The following RPIA variants were observed in gnomAD, a reference collection of about 807,000 sequenced individuals.
The protein encoded by RPIA is ribose-5-phosphate isomerase.
In RPIA, 29 loss-of-function variants were observed where a neutral mutation model predicts 37.8. The observed-to-expected ratio is 0.77, with a 90% CI of 0.57 to 1.05. The LOEUF (loss-of-function observed/expected upper bound fraction) is 1.05. RPIA is among the 50% of genes least tolerant of loss of function. RPIA has a pLI of 0.00. For synonymous variants in RPIA, 167 were observed against 157.0 expected (o/e 1.06, Z -0.48); for missense variants, 385 against 413.6 (o/e 0.93, Z 0.60).
In RPIA at chr2:88,737,671, G is replaced by C. The variant is rs577141445; in HGVS notation, c.739-306G>C. ...GAACAATGAACCAGAAATCAGATAG[G>C]AATGTGGTGATAATTGTGACATGGT... is the stretch of plus-strand genomic sequence containing the variant. On this transcript the variant is annotated intron_variant, in intron 7 of 8. Transcript: ENST00000283646. Among the ~76,000 whole-genome samples, 8 of 152,210 alleles carry C rather than the reference G, an allele frequency of 5.3e-5. No individual in the cohort carries two copies. In the East Asian group the frequency reaches 1.4e-3, roughly 26 times the overall value.
In RPIA at chr2:88,735,737, G is replaced by A; in HGVS notation, c.596G>A (p.Arg199Lys). Residue 199 changes from arginine to lysine, a missense_variant and splice_region_variant, in exon 6 of 9, where the codon AGG becomes AAG. Physicochemically the swap from Arg to Lys is conservative, Grantham distance 26 (BLOSUM62 2). Coordinates refer to ENST00000283646, the MANE Select transcript of RPIA (RefSeq NM_144563.3). ...ASRFIVIADF[R>K]KDSKNLGDQW... ...CGCTTCATCGTGATCGCTGATTTCA[G>A]GTACAGTTTCTGGTGTCTGAGCTGC... 1 of 1,613,894 alleles carries A rather than the reference G, an allele frequency of 6.2e-7. No individual in the cohort carries two copies. Among genetic ancestry groups the A allele is most frequent in the South Asian group, 1.1e-5 (1 of 91,068 alleles).
intron 6 of RPIA, among the ~76,000 whole-genome samples, chr2:88,735,944 C>T (rs923437728): frequency 5.9e-5 from 9 of 152,224 alleles, no homozygotes; most frequent in Admixed American, 3.9e-4. Context: ...GCACTGTTAT[C>T]CGCAGCCAGG....
chr2:88,725,739 G>A (rs1448651273), intron 3 of RPIA, among the ~76,000 whole-genome samples: 1 of 152,000 alleles, frequency 6.6e-6, no homozygotes, highest in African/African-American at 2.4e-5. Flanking sequence ...TCTTTTTTGT[G>A]GGGAACACAA....
At chr2:88,704,848 G>A (rs531129339) in intron 3 of RPIA, among the ~76,000 whole-genome samples, 3 of 152,292 alleles carry the variant, frequency 2.0e-5, no homozygotes, top group African/African-American at 7.2e-5. Flanking sequence ...AGCTCCTTAA[G>A]CTGATAAGCA....
rs1418570788 is a variant in RPIA, at chr2:88,691,861, G to A, written c.163G>A (p.Ala55Thr). The change falls in exon 1 of 9, where the codon GCT becomes ACT. Residue 55 changes from alanine to threonine, a missense_variant. This residue lies in a region of RPIA where 232 missense variants were observed against 203.0 expected (regional missense o/e 1.14). Coordinates refer to ENST00000283646, the MANE Select transcript of RPIA (RefSeq NM_144563.3). ...GRAQSGTRGGAGNTSTSCGDS... is the reference protein window; with the variant it reads ...GRAQSGTRGGTGNTSTSCGDS... ...TGCACAGTCTGGGACCCGTGGCGGT[G>A]CTGGCAACACAAGCACCAGCTGCGG... The A allele has an allele frequency of 4.4e-6, 7 of 1,595,050 alleles. No homozygotes were observed. Among genetic ancestry groups the A allele is most frequent in the Non-Finnish European group, 6.0e-6 (7 of 1,172,256 alleles).
At chr2:88,729,478 G>C (rs1673239712) in intron 4 of RPIA, 141 bp downstream of exon 4, 1 of 869,342 alleles carries the variant, frequency 1.2e-6, no homozygotes, top group Non-Finnish European at 1.9e-6. Flanking sequence ...CTGGGACCTT[G>C]AGTATTAATT....
chr2:88,737,816 T>A (rs1248672422), intron 7 of RPIA, among the ~76,000 whole-genome samples, 161 bp from the exon 8 acceptor site: 1 of 152,192 alleles, frequency 6.6e-6, no homozygotes, highest in Admixed American at 6.5e-5. Flanking sequence ...TCTTTCTGAT[T>A]TCAAAGCTCC....
intron 1 of RPIA, among the ~76,000 whole-genome samples, chr2:88,698,170 G>T (rs1672781405): frequency 6.6e-6 from 1 of 151,526 alleles, no homozygotes; most frequent in Non-Finnish European, 1.5e-5. Flanking sequence ...TTCTGTGAGG[G>T]TGACGCAAGT....
intron 1 of RPIA, among the ~76,000 whole-genome samples, chr2:88,697,589 T>A (rs1481016708): frequency 6.6e-6 from 1 of 152,210 alleles, no homozygotes; most frequent in Non-Finnish European, 1.5e-5. Context: ...TTTGGTCTGC[T>A]TGTAGGTACC....
chr2:88,735,837 C>G, intron 6 of RPIA, 100 bp downstream of exon 6: 1 of 1,154,140 alleles, frequency 8.7e-7, no homozygotes, highest in East Asian at 2.3e-5. Context: ...GCTGCAGGGA[C>G]TGTCTGACTT....
chr2:88,716,053 AC>A (rs952025384), intron 3 of RPIA, among the ~76,000 whole-genome samples: 5 of 152,168 alleles, frequency 3.3e-5, no homozygotes, highest in Non-Finnish European at 7.3e-5. Context: ...TGGACAAAAG[AC>A]AGAACTCAAA....
chr2:88,726,721 T>G (rs1316793031), intron 3 of RPIA, among the ~76,000 whole-genome samples: 1 of 152,178 alleles, frequency 6.6e-6, no homozygotes, highest in Non-Finnish European at 1.5e-5. Flanking sequence ...TAAAACGTCC[T>G]TATCAGTTAG....
intron 3 of RPIA, among the ~76,000 whole-genome samples, chr2:88,718,728 T>C (rs1159976097): frequency 6.6e-6 from 1 of 152,226 alleles, no homozygotes; most frequent in Non-Finnish European, 1.5e-5. Flanking sequence ...AACAGATTCT[T>C]ATTGCACTTA....
Position 88,691,948 on chromosome 2 carries a change from C to G in RPIA, c.250C>G (p.Leu84Val). The change falls in exon 1 of 9, where the codon CTG becomes GTG. Residue 84 changes from leucine (L) to valine (V), a missense_variant. Physicochemically the swap from Leu to Val is conservative, Grantham distance 32. Around this residue, in one of 2 missense-constraint regions of RPIA, gnomAD observed 232 missense variants for 203.0 expected, o/e 1.14. Transcript: ENST00000283646. ...GTCCAAGGCCGAGGAGGCCAAGAAG[C>G]TGGCGGGCCGCGCGGCTGTGGAGAA... Reference protein sequence around the residue: ...TMSKAEEAKKLAGRAAVENHV... With the variant: ...TMSKAEEAKKVAGRAAVENHV... 1 of 1,596,458 alleles carries G rather than the reference C, an allele frequency of 6.3e-7. No homozygotes were observed. Among genetic ancestry groups the G allele is most frequent in the Non-Finnish European group, 8.5e-7 (1 of 1,172,420 alleles).
intron 6 of RPIA, 122 bp from the exon 7 acceptor site, chr2:88,736,413 A>AT: frequency 1.1e-6 from 1 of 927,428 alleles, no homozygotes; most frequent in Non-Finnish European, 1.7e-6. Context: ...CCCCATGTAT[A>AT]TTGCCCTTGA....
intron 5 of RPIA, among the ~76,000 whole-genome samples, chr2:88,735,248 C>T (rs1253121773): frequency 1.3e-5 from 2 of 152,206 alleles, no homozygotes; most frequent in African/African-American, 4.8e-5. Context: ...GACCTGGACC[C>T]AAATCTGCTG....
intron 8 of RPIA, among the ~76,000 whole-genome samples, chr2:88,738,759 C>T (rs1047022931): frequency 8.5e-5 from 13 of 152,200 alleles, no homozygotes; most frequent in African/African-American, 2.7e-4. Flanking sequence ...AAGTTAAACA[C>T]GGTGCTAAAC....
intron 5 of RPIA, among the ~76,000 whole-genome samples, chr2:88,734,875 T>G (rs1673296665): frequency 6.6e-6 from 1 of 152,210 alleles, no homozygotes; most frequent in African/African-American, 2.4e-5. Flanking sequence ...CTTTTGTTGA[T>G]TCAGACTTTA....
At chr2:88,727,105 A>G (rs1189636510) in intron 3 of RPIA, among the ~76,000 whole-genome samples, 5 of 151,404 alleles carry the variant, frequency 3.3e-5, no homozygotes, top group Admixed American at 6.6e-5. Flanking sequence ...GTGCGCGCGC[A>G]TGTGTGCGCG....
Sources: allele counts gnomAD v4.1 joint callset (sites outside exome capture counted in the v4.1 genomes callset), GRCh38; gene constraint gnomAD v4.1.1; regional missense constraint gnomAD v4.1.1; transcripts MANE v1.5; gene names NCBI Gene and HGNC (gene_info 2026-07-23, HGNC 2026-07-21).